Variants in RIT2 observed in about 807,000 individuals in gnomAD.
RIT2 encodes the protein GTP-binding protein Rit2.
In RIT2, 24 loss-of-function variants were observed where a neutral mutation model predicts 23.7. The ratio of observed to expected loss-of-function variants is 1.01; its 90% CI spans 0.73 to 1.43. The LOEUF (loss-of-function observed/expected upper bound fraction) is 1.43. Among genes scored for constraint, RIT2 ranks in the 40% most tolerant of loss-of-function variants. RIT2 has a pLI of 0.00. For missense variants in RIT2, 236 were observed against 266.9 expected, an observed-to-expected ratio of 0.88 and a Z score of 0.81; for synonymous variants, 107 against 91.1, an observed-to-expected ratio of 1.17 and a Z score of -0.99.
intron 2 of RIT2, among the ~76,000 whole-genome samples, chr18:43,030,586 ATT>A (rs532904156): frequency 1.3e-5 from 2 of 151,900 alleles, no homozygotes; most frequent in Non-Finnish European, 2.9e-5. Flanking sequence ...AGTTTTCAAG[ATT>A]TTTTTTGGTT....
intron 3 of RIT2, among the ~76,000 whole-genome samples, chr18:42,955,107 G>T (rs1909941839): frequency 6.6e-6 from 1 of 152,096 alleles, no homozygotes; most frequent in Non-Finnish European, 1.5e-5. Flanking sequence ...AGTCAGATAA[G>T]CAGTAATTAA....
Position 42,998,120 on chromosome 18 carries a change from C to A in RIT2, c.161-23973G>T, listed in dbSNP as rs147766535. Among the ~76,000 whole-genome samples, 624 of 152,186 alleles carry A rather than the reference C, an allele frequency of 4.1e-3. 4 individuals are homozygous for A. The highest frequency in any genetic ancestry group is 0.017 in the Middle Eastern group (5 of 294). On this transcript the variant is annotated intron_variant, in intron 2 of 4. Transcript: ENST00000326695. The stretch of plus-strand genomic sequence containing the variant: ...TAAACACACAGGACTTTTTTGTGTT[C>A]TCTTAATAAACCATGGGATGGCACA...
chr18:43,087,916 A>C (rs1913324200), intron 1 of RIT2, among the ~76,000 whole-genome samples: 1 of 152,140 alleles, frequency 6.6e-6, no homozygotes, highest in Non-Finnish European at 1.5e-5. Context: ...GCCTCTAGTT[A>C]CACATAATTT....
At chr18:43,082,803 T>C (rs1355663121) in intron 1 of RIT2, among the ~76,000 whole-genome samples, 1 of 152,066 alleles carries the variant, frequency 6.6e-6, no homozygotes, top group Non-Finnish European at 1.5e-5. Context: ...CTAGAAGCAT[T>C]CCCTTTGAAA....
At chr18:42,977,246 A>G (rs1910496706) in intron 2 of RIT2, among the ~76,000 whole-genome samples, 1 of 151,972 alleles carries the variant, frequency 6.6e-6, no homozygotes, top group South Asian at 2.1e-4. Flanking sequence ...AAATATCTAT[A>G]CTTCTGTAAA....
intron 1 of RIT2, among the ~76,000 whole-genome samples, chr18:43,057,826 G>A (rs1912545085): frequency 1.1e-5 from 1 of 88,000 alleles, no homozygotes; most frequent in African/African-American, 4.7e-5. Context: ...ATCATCTAAG[G>A]CAGAACAAGA....
intron 4 of RIT2, among the ~76,000 whole-genome samples, chr18:42,823,778 T>C (rs1179141872): frequency 6.6e-6 from 1 of 152,164 alleles, no homozygotes. Context: ...GAGATAGATA[T>C]ACATATTTAA....
At chr18:42,819,171 T>C (rs1421444534) in intron 4 of RIT2, among the ~76,000 whole-genome samples, 1 of 152,070 alleles carries the variant, frequency 6.6e-6, no homozygotes, top group African/African-American at 2.4e-5. Context: ...TATAATAAGA[T>C]GTTACAGTTG....
chr18:43,039,284 T>A (rs1341439569), intron 1 of RIT2, among the ~76,000 whole-genome samples: 1 of 152,080 alleles, frequency 6.6e-6, no homozygotes, highest in Non-Finnish European at 1.5e-5. Context: ...CTTCCCTCTT[T>A]CCATCCTGCA....
At chr18:42,920,250 A>G (rs1015518610) in intron 4 of RIT2, among the ~76,000 whole-genome samples, 2 of 152,178 alleles carry the variant, frequency 1.3e-5, no homozygotes, top group East Asian at 1.9e-4. Context: ...TAAAATGACA[A>G]TGGTTTGTAG....
intron 2 of RIT2, among the ~76,000 whole-genome samples, chr18:42,998,773 G>T (rs1336188598): frequency 1.3e-5 from 2 of 152,066 alleles, no homozygotes; most frequent in South Asian, 4.1e-4. Context: ...TTAGAAGGCT[G>T]CTCTGTCAGT....
At position 42,922,225 on chromosome 18, in the gene RIT2, GA is replaced by G. The variant is rs534091377; in HGVS notation, c.426+1346del. 4.5e-3 allele frequency among the ~76,000 whole-genome samples: 692 copies of G among 152,286 alleles called. 3 individuals carry two copies. The highest frequency in any genetic ancestry group is 8.2e-3 in the Non-Finnish European group (558 of 68,016). On this transcript the variant is annotated intron_variant, in intron 4 of 4. Transcript: ENST00000326695. Reference sequence around the variant, plus strand: ...CAACTTGTAAACATGGACTCTGTATGAGATCTTTTCAATTTAAGAAAACTTA... The same window carrying G: ...CAACTTGTAAACATGGACTCTGTATGGATCTTTTCAATTTAAGAAAACTTA...
At chr18:42,813,259 G>T (rs1385415623) in intron 4 of RIT2, among the ~76,000 whole-genome samples, 1 of 152,060 alleles carries the variant, frequency 6.6e-6, no homozygotes, top group Non-Finnish European at 1.5e-5. Context: ...AACATCATTG[G>T]TTGAATTGAC....
rs137958375 is a variant in RIT2 at position 42,988,518 on chromosome 18, G to A, written c.161-14371C>T. ...CAGAATGATGTTGAAGGACCTTTCC[G>A]TTCAAAACATCTTTCTCATTGGCCT... On this transcript the variant is annotated intron_variant, in intron 2 of 4. Transcript: ENST00000326695. Among the ~76,000 whole-genome samples, 459 of 152,220 alleles carry A rather than the reference G, an allele frequency of 3.0e-3. 5 individuals are homozygous for A. The highest frequency in any genetic ancestry group is 0.01 in the African/African-American group (428 of 41,532).
intron 2 of RIT2, among the ~76,000 whole-genome samples, chr18:43,027,770 G>C (rs1380010898): frequency 3.3e-5 from 5 of 152,022 alleles, no homozygotes; most frequent in Non-Finnish European, 7.4e-5. Flanking sequence ...GTGAGACCAG[G>C]CTTCACGGTT....
chr18:43,105,074 C>A (rs1276451621), intron 1 of RIT2, among the ~76,000 whole-genome samples: 2 of 150,520 alleles, frequency 1.3e-5, no homozygotes, highest in African/African-American at 4.9e-5. Flanking sequence ...AATTGTCCTC[C>A]AGTCCTTTCT....
intron 3 of RIT2, among the ~76,000 whole-genome samples, chr18:42,962,495 A>G (rs981893902): frequency 6.6e-6 from 1 of 152,194 alleles, no homozygotes; most frequent in Non-Finnish European, 1.5e-5. Context: ...TTTTCAGATA[A>G]TAAGCTGAAA....
At chr18:42,857,520 T>A (rs527889959) in intron 4 of RIT2, among the ~76,000 whole-genome samples, 56 of 152,254 alleles carry the variant, frequency 3.7e-4, no homozygotes, top group Middle Eastern at 3.4e-3. Flanking sequence ...ATTATACAAA[T>A]AAATTACTAA....
intron 3 of RIT2, among the ~76,000 whole-genome samples, chr18:42,936,577 A>T (rs977384064): frequency 1.3e-5 from 2 of 152,068 alleles, no homozygotes; most frequent in African/African-American, 4.8e-5. Context: ...ACTTTTCCTG[A>T]CTCCTGTTCA....
Sources: gnomAD v4.1 joint callset for allele counts (sites outside exome capture counted in the v4.1 genomes callset) on GRCh38, gnomAD v4.1.1 for gene constraint, MANE v1.5 for transcripts, NCBI Gene and HGNC (gene_info 2026-07-23, HGNC 2026-07-21) for gene names.